IGSF11: variants seen among roughly 807,000 people sequenced by gnomAD.
The protein encoded by IGSF11 is CXADR like 1.
In IGSF11, 22 loss-of-function variants were observed where a neutral mutation model predicts 41.0. That is an observed-to-expected ratio of 0.54 (90% confidence interval 0.38 to 0.77). The LOEUF is 0.77. Among genes scored for constraint, IGSF11 ranks in the 30% least tolerant of loss-of-function variants. The probability of loss-of-function intolerance (pLI) is 0.00; values close to 1 mark genes in which losing one functional copy is unlikely to be tolerated. For synonymous variants in IGSF11, 219 were observed against 201.3 expected (o/e 1.09, Z -0.74); for missense variants, 444 against 530.8 (o/e 0.84, Z 1.61).
At position 119,145,053 on chromosome 3, in the gene IGSF11, T is replaced by C. The variant is rs75178851; in HGVS notation, c.-14+760A>G. Reference sequence around the variant, plus strand: ...ATTCAACAAGCACTTCTTGAGCACCTATTATGTTCTAGGCACTGTTACATA... The same window carrying C: ...ATTCAACAAGCACTTCTTGAGCACCCATTATGTTCTAGGCACTGTTACATA... On this transcript the variant is annotated intron_variant, in intron 1 of 7. Coordinates refer to the IGSF11 transcript ENST00000425327. Among the ~76,000 whole-genome samples the C allele has an allele frequency of 9.9e-3, 1,508 of 152,296 alleles. 19 individuals are homozygous for C. Among genetic ancestry groups the C allele is most frequent in the African/African-American group, 0.034 (1,402 of 41,550 alleles).
intron 1 of IGSF11, among the ~76,000 whole-genome samples, chr3:119,126,084 G>A (rs983151179): frequency 9.2e-5 from 14 of 152,226 alleles, no homozygotes; most frequent in African/African-American, 3.4e-4. Flanking sequence ...TCGAGGGAGG[G>A]GCAGCAGCCA....
At chr3:118,989,186 G>C (rs1443156912) in intron 1 of IGSF11, among the ~76,000 whole-genome samples, 1 of 152,146 alleles carries the variant, frequency 6.6e-6, no homozygotes, top group African/African-American at 2.4e-5. Flanking sequence ...AGGAAAGCAA[G>C]AGCAAATACA....
intron 2 of IGSF11, among the ~76,000 whole-genome samples, chr3:118,929,135 T>C (rs932001153): frequency 3.9e-5 from 6 of 152,174 alleles, no homozygotes; most frequent in African/African-American, 1.2e-4. Flanking sequence ...AGAAGGGAAG[T>C]AGAGTTACAA....
chr3:118,913,730 G>A (rs1940652502), intron 4 of IGSF11, among the ~76,000 whole-genome samples: 1 of 152,126 alleles, frequency 6.6e-6, no homozygotes, highest in African/African-American at 2.4e-5. Context: ...CAAAAAAAAT[G>A]GCAAACTTGT....
intron 1 of IGSF11, among the ~76,000 whole-genome samples, chr3:119,134,960 G>A (rs1003694876): frequency 3.3e-5 from 5 of 152,092 alleles, no homozygotes; most frequent in African/African-American, 7.2e-5. Flanking sequence ...CAAGAAATGG[G>A]GAAATGATTC....
At chr3:119,001,260 G>A (rs73185827) in intron 1 of IGSF11, among the ~76,000 whole-genome samples, 92 of 149,902 alleles carry the variant, frequency 6.1e-4, no homozygotes, top group Non-Finnish European at 7.1e-4. Context: ...AGTACTTGCC[G>A]TCCTCTAATA....
At chr3:119,075,231 A>G (rs570219073) in intron 1 of IGSF11, among the ~76,000 whole-genome samples, 1 of 152,314 alleles carries the variant, frequency 6.6e-6, no homozygotes, top group African/African-American at 2.4e-5. Context: ...AACCTAGAAG[A>G]AACAGATAAA....
intron 1 of IGSF11, among the ~76,000 whole-genome samples, chr3:119,004,927 A>T (rs1331718867): frequency 1.3e-5 from 2 of 151,928 alleles, no homozygotes; most frequent in Non-Finnish European, 1.5e-5. Flanking sequence ...TGCTGAAAAA[A>T]ATGTATATTC....
At chr3:119,110,001 T>G (rs1345408504), upstream of IGSF11, among the ~76,000 whole-genome samples, 3 of 152,232 alleles carry the variant, frequency 2.0e-5, no homozygotes, top group Non-Finnish European at 4.4e-5. Context: ...AGGAGAGCTT[T>G]ACTTCCAACT....
intron 1 of IGSF11, among the ~76,000 whole-genome samples, chr3:119,084,599 C>T (rs1402306041): frequency 1.3e-5 from 2 of 152,202 alleles, no homozygotes; most frequent in Non-Finnish European, 2.9e-5. Context: ...GAAAGCAAGG[C>T]TTTCTTCTAC....
intron 1 of IGSF11, among the ~76,000 whole-genome samples, chr3:118,985,944 T>C (rs892384649): frequency 2.0e-5 from 3 of 152,208 alleles, no homozygotes; most frequent in African/African-American, 7.2e-5. Context: ...CCATTCTTTA[T>C]AGGATATAAG....
At chr3:118,954,984 A>G (rs1350171103) in intron 1 of IGSF11, among the ~76,000 whole-genome samples, 1 of 152,198 alleles carries the variant, frequency 6.6e-6, no homozygotes, top group East Asian at 1.9e-4. Flanking sequence ...ACTATGGAAA[A>G]CAGTGTGGAG....
At chr3:119,136,036 G>A (rs543727870) in intron 1 of IGSF11, among the ~76,000 whole-genome samples, 2 of 152,250 alleles carry the variant, frequency 1.3e-5, no homozygotes, top group Admixed American at 1.3e-4. Flanking sequence ...ACACGGGGAA[G>A]GGAACATCAC....
chr3:118,941,281 AAAAC>A (rs1167794568), intron 1 of IGSF11, among the ~76,000 whole-genome samples: 5 of 152,302 alleles, frequency 3.3e-5, no homozygotes, highest in South Asian at 2.1e-4. Flanking sequence ...AAAATTCAAC[AAAAC>A]AAACAGTCCA....
At chr3:119,058,889 C>T (rs1941953824) in intron 1 of IGSF11, among the ~76,000 whole-genome samples, 1 of 152,064 alleles carries the variant, frequency 6.6e-6, no homozygotes, top group Admixed American at 6.5e-5. Flanking sequence ...AAACCAAACA[C>T]CACATGTTCT....
chr3:118,939,421 T>C (rs1943513694), intron 1 of IGSF11, among the ~76,000 whole-genome samples: 2 of 151,796 alleles, frequency 1.3e-5, no homozygotes, highest in Admixed American at 1.3e-4. Flanking sequence ...ACTAAAAATA[T>C]AAAAATTAGC....
intron 1 of IGSF11, among the ~76,000 whole-genome samples, chr3:119,030,043 A>G (rs1407750114): frequency 2.0e-5 from 3 of 152,214 alleles, no homozygotes; most frequent in African/African-American, 7.2e-5. Flanking sequence ...TCTACATGGT[A>G]TAAGAATTTT....
rs985240160 is a variant in IGSF11 at position 119,093,285 on chromosome 3, C to T, written c.49+11859G>A. On this transcript the variant is annotated intron_variant, in intron 1 of 6. Transcript: ENST00000354673. ...TAGCACTGTACTTTTTTGGACACTT[C>T]CCAGGGATTACACTGCATCAGCTTC... 2.6e-5 allele frequency among the ~76,000 whole-genome samples: 4 copies of T among 152,236 alleles called. No individual in the cohort carries two copies. In the South Asian group the frequency reaches 6.2e-4, roughly 24 times the overall value.
At chr3:119,058,882 C>A (rs1346940604) in intron 1 of IGSF11, among the ~76,000 whole-genome samples, 6 of 151,972 alleles carry the variant, frequency 3.9e-5, no homozygotes, top group Non-Finnish European at 8.8e-5. Flanking sequence ...GGACAAAAAA[C>A]CAAACACCAC....
Sources: gnomAD v4.1 joint callset for allele counts (sites outside exome capture counted in the v4.1 genomes callset) on GRCh38, gnomAD v4.1.1 for gene constraint, MANE v1.5 for transcripts, NCBI Gene and HGNC (gene_info 2026-07-23, HGNC 2026-07-21) for gene names.